PHYKPL: variants seen among roughly 807,000 people sequenced by gnomAD.
PHYKPL encodes the protein 5-phosphonooxy-L-lysine phospho-lyase.
Under a neutral mutation model 51.3 loss-of-function variants are expected in PHYKPL, and 42 were observed. The ratio of observed to expected loss-of-function variants is 0.82; its 90% CI spans 0.64 to 1.06. The LOEUF is 1.06. Ranked by LOEUF, PHYKPL falls within the 50% of genes least tolerant of loss-of-function variation. PHYKPL has a pLI of 0.00. For synonymous variants in PHYKPL, 264 were observed against 236.0 expected, an observed-to-expected ratio of 1.12 and a Z score of -1.09; for missense variants, 655 against 586.6, an observed-to-expected ratio of 1.12 and a Z score of -1.20.
At chr5:178,207,201 G>A (rs765475057), downstream of PHYKPL, 1 of 1,614,206 alleles carries the variant, frequency 6.2e-7, no homozygotes, top group South Asian at 1.1e-5. Context: ...TGGAGAAAAA[G>A]TTCCATACTG....
At chr5:178,224,776 T>C in intron 4 of PHYKPL, 47 bp from the exon 5 acceptor site, 1 of 1,480,030 alleles carries the variant, frequency 6.8e-7, no homozygotes, top group Non-Finnish European at 9.3e-7. Flanking sequence ...CAGCACCTAC[T>C]CCCTGGCCCA....
At position 178,232,429 on chromosome 5, in the gene PHYKPL, G is replaced by C. The variant is rs966072088; in HGVS notation, c.59+63C>G. 2.2e-6 allele frequency: 3 copies of C among 1,371,260 alleles called. No homozygotes were observed. In the African/African-American group the frequency reaches 4.6e-5, roughly 21 times the overall value. 84.9% of individuals were successfully genotyped at this position (1,371,260 alleles called of 1,614,324 possible). A position where few individuals can be genotyped will look rare whatever the true frequency, so the allele number is the denominator to read the frequency against. On this transcript the variant is annotated intron_variant, in intron 1 of 12. Coordinates refer to ENST00000308158, the MANE Select transcript of PHYKPL (RefSeq NM_153373.4). Reference sequence around the variant, plus strand: ...TGCGTAGTGCGTGCGTGCGTGCGTCGTGCGTGCGCGTGCCTCTCCGCGCAG... The same window carrying C: ...TGCGTAGTGCGTGCGTGCGTGCGTCCTGCGTGCGCGTGCCTCTCCGCGCAG...
intron 12 of PHYKPL, chr5:178,209,382 G>A: frequency 6.2e-7 from 1 of 1,614,232 alleles, no homozygotes; most frequent in African/African-American, 1.3e-5. Context: ...CAGCAGTATG[G>A]CTCTGGGGGC....
intron 8 of PHYKPL, chr5:178,216,831 T>A (rs1453283865): frequency 2.0e-5 from 3 of 152,234 alleles, no homozygotes; most frequent in East Asian, 1.9e-4. Flanking sequence ...AGGTGAGGAG[T>A]TCGAGACCAG....
Position 178,209,421 on chromosome 5 carries a change from G to A in PHYKPL, c.*32-506C>T, listed in dbSNP as rs141539534. The A allele has an allele frequency of 9.6e-4, 1,557 of 1,614,190 alleles. 1 individual carries two copies. Among genetic ancestry groups the A allele is most frequent in the Non-Finnish European group, 1.3e-3 (1,481 of 1,179,998 alleles). On this transcript the variant is annotated intron_variant, in intron 12 of 12. Transcript: ENST00000308158. ...GGAAACCGCAACCGAGGGAACCGAG[G>A]CAGCGGAGGTGGTGGTGGAGGTGGA...
chr5:178,224,824 G>T lies in PHYKPL; in HGVS notation c.414-95C>A. 3 of 976,288 alleles carry T rather than the reference G, an allele frequency of 3.1e-6. No individual in the cohort carries two copies. In the Admixed American group the frequency reaches 7.9e-5, roughly 26 times the overall value. 60.5% of individuals were successfully genotyped at this position (976,288 alleles called of 1,614,324 possible). A position where few individuals can be genotyped will look rare whatever the true frequency, so the allele number is the denominator to read the frequency against. On this transcript the variant is annotated intron_variant, in intron 4 of 12. Coordinates refer to ENST00000308158, the MANE Select transcript of PHYKPL (RefSeq NM_153373.4). ...TCTCCCCACCCCTGAAGACACACAA[G>T]GGAGGCCAACTTTCCTGACAGAGCC... is the stretch of plus-strand genomic sequence containing the variant.
chr5:178,227,785 TAGA>T (rs1202986677), intron 3 of PHYKPL, among the ~76,000 whole-genome samples: 3 of 151,884 alleles, frequency 2.0e-5, no homozygotes, highest in South Asian at 2.1e-4. Context: ...AGAATAAAAG[TAGA>T]AGGAGAAGAC....
Position 178,222,439 on chromosome 5 carries a change from G to A in PHYKPL, c.843C>T (p.Gly281=), listed in dbSNP as rs779496779. Residue 281 remains glycine (G), a synonymous_variant, in exon 8 of 13, where the codon GGC becomes GGT. Coordinates refer to ENST00000308158, the MANE Select transcript of PHYKPL (RefSeq NM_153373.4). ...PDIVTMGKSI[G]NGHPVACVAA... ...CCACGCAGGCAACAGGGTGGCCGTT[G>A]CCAATGGACTTGCCCATGGTGACGA... The A allele has an allele frequency of 6.2e-7, 1 of 1,614,272 alleles. No individual in the cohort carries two copies. Among genetic ancestry groups the A allele is most frequent in the East Asian group, 2.2e-5 (1 of 44,884 alleles).
chr5:178,209,665 A>G (rs1757576244), intron 12 of PHYKPL, among the ~76,000 whole-genome samples: 1 of 151,954 alleles, frequency 6.6e-6, no homozygotes, highest in Non-Finnish European at 1.5e-5. Context: ...CAGGGCAGAG[A>G]GAGCATTTGT....
chr5:178,215,283 C>A lies in PHYKPL; in HGVS notation c.1075G>T (p.Asp359Tyr), dbSNP rs1281604329. The stretch of plus-strand genomic sequence containing the variant: ...CTGCCCCCAGAGCCTCACCTGACAT[C>A]CCCGACGATGGGATGTTTGATTTTT... ...QQKIKHPIVG[D>Y]VRGVGLFIGV... Residue 359 changes from aspartate (D) to tyrosine (Y), a missense_variant, in exon 9 of 13, where the codon GAT (aspartate) becomes TAT (tyrosine). Transcript: ENST00000308158. The A allele has an allele frequency of 1.9e-6, 3 of 1,614,048 alleles. No homozygotes were observed. Among genetic ancestry groups the A allele is most frequent in the South Asian group, 2.2e-5 (2 of 91,084 alleles).
intron 8 of PHYKPL, among the ~76,000 whole-genome samples, chr5:178,220,848 A>C (rs1174583937): frequency 2.6e-5 from 4 of 152,218 alleles, no homozygotes; most frequent in Non-Finnish European, 5.9e-5. Flanking sequence ...CTTCAGTGAC[A>C]GGCAATAGGG....
Position 178,220,194 on chromosome 5 carries a change from C to CAAA in PHYKPL, c.927+2158_927+2160dup, listed in dbSNP as rs34898072. 5.8e-4 allele frequency among the ~76,000 whole-genome samples: 55 copies of CAAA among 95,604 alleles called. 1 individual carries two copies. The highest frequency in any genetic ancestry group is 2.0e-3 in the African/African-American group (49 of 23,972). 62.7% of individuals were successfully genotyped at this position (95,604 alleles called of 152,430 possible). ...TGGGTGACAGAGTGAGACCCCGTTT[C>CAAA]AAAAAAAAAAAAAAAAAAAGAATGC... is the stretch of plus-strand genomic sequence containing the variant. On this transcript the variant is annotated intron_variant, in intron 8 of 12. Coordinates refer to ENST00000308158, the MANE Select transcript of PHYKPL (RefSeq NM_153373.4).
chr5:178,220,568 AG>A (rs1760958471), intron 8 of PHYKPL, among the ~76,000 whole-genome samples: 1 of 152,356 alleles, frequency 6.6e-6, no homozygotes, highest in African/African-American at 2.4e-5. Flanking sequence ...GAACTACTTT[AG>A]AAAACAAATG....
chr5:178,211,737 A>G, intron 12 of PHYKPL, 153 bp downstream of exon 12: 1 of 609,316 alleles, frequency 1.6e-6, no homozygotes, highest in Non-Finnish European at 2.9e-6. Context: ...GCATTGGAGA[A>G]TTTCCAGTGT....
chr5:178,231,778 G>C (rs1763488030), intron 1 of PHYKPL: 2 of 1,451,626 alleles, frequency 1.4e-6, no homozygotes, highest in African/African-American at 2.8e-5. Context: ...TGGCCTCCTT[G>C]CTCATTTCTG....
chr5:178,222,718 G>T, intron 7 of PHYKPL, 134 bp downstream of exon 7: 1 of 1,342,982 alleles, frequency 7.4e-7, no homozygotes, highest in Non-Finnish European at 1.0e-6. Flanking sequence ...CCTTCTCTGG[G>T]CCATTCTTTC....
chr5:178,215,554 C>T, intron 8 of PHYKPL, 124 bp from the exon 9 acceptor site: 4 of 1,178,352 alleles, frequency 3.4e-6, no homozygotes, highest in Non-Finnish European at 4.7e-6. Context: ...AGGCCCCAAA[C>T]CCCTTAGGGC....
At chr5:178,230,571 G>A (rs1763182064) in intron 2 of PHYKPL, 1 of 155,196 alleles carries the variant, frequency 6.4e-6, no homozygotes, top group South Asian at 2.0e-4. Flanking sequence ...ATGTTGCCCA[G>A]GCTGGAAGGC....
intron 8 of PHYKPL, among the ~76,000 whole-genome samples, chr5:178,219,255 G>A (rs1229930340): frequency 6.6e-6 from 1 of 152,014 alleles, no homozygotes; most frequent in South Asian, 2.1e-4. Flanking sequence ...GTGAAGACAG[G>A]TTATAAACTG....
Sources: gnomAD v4.1 joint callset for allele counts (sites outside exome capture counted in the v4.1 genomes callset) on GRCh38, gnomAD v4.1.1 for gene constraint, MANE v1.5 for transcripts, NCBI Gene and HGNC (gene_info 2026-07-23, HGNC 2026-07-21) for gene names.